Variants in TRIM2 observed in about 807,000 individuals in gnomAD.
TRIM2 encodes the protein tripartite motif-containing protein 2.
A neutral mutation model predicts 75.2 loss-of-function variants in TRIM2; 20 were observed. The ratio of observed to expected loss-of-function variants is 0.27; its 90% CI spans 0.19 to 0.39. The LOEUF is 0.39. Among genes scored for constraint, TRIM2 ranks in the 10% least tolerant of loss-of-function variants. The probability of loss-of-function intolerance (pLI) is 1.00; values close to 1 mark genes in which losing one functional copy is unlikely to be tolerated. For missense variants in TRIM2, 660 were observed against 990.8 expected (o/e 0.67, Z 4.48); for synonymous variants, 373 against 388.3 (o/e 0.96, Z 0.46).
intron 10 of TRIM2, among the ~76,000 whole-genome samples, chr4:153,325,490 C>A (rs180876300): frequency 1.3e-5 from 2 of 152,096 alleles, no homozygotes; most frequent in African/African-American, 4.8e-5. Context: ...CAAAGAAGGA[C>A]GGAAGTAGAG....
intron 1 of TRIM2, among the ~76,000 whole-genome samples, chr4:153,234,334 AGC>A (rs1744451054): frequency 6.6e-6 from 1 of 152,206 alleles, no homozygotes; most frequent in Non-Finnish European, 1.5e-5. Context: ...GGTGTTGGAT[AGC>A]GATTCTCAAA....
chr4:153,295,662 A>G lies in TRIM2; in HGVS notation c.1136A>G (p.Asp379Gly). Residue 379 changes from aspartate (D) to glycine (G), a missense_variant, in exon 6 of 12, where the codon GAC becomes GGC. By Grantham distance (94) the Asp-to-Gly change is moderately conservative (BLOSUM62 -1). Coordinates refer to ENST00000338700, the MANE Select transcript of TRIM2 (RefSeq NM_015271.5). This position sits in a 1 kb window ranked among gnomAD's most constrained non-coding sequence, Gnocchi z 7.2. Reference sequence around the variant, plus strand: ...ATGTCCGTCACCATCACCACCAAGGACAAAGACGGTGAGCTGTGCAAAACC... The same window carrying G: ...ATGTCCGTCACCATCACCACCAAGGGCAAAGACGGTGAGCTGTGCAAAACC... ...QPMSVTITTK[D>G]KDGELCKTGN... is the part of the protein sequence containing the mutation. 5.0e-6 allele frequency: 8 copies of G among 1,614,082 alleles called. No homozygotes were observed. Among genetic ancestry groups the G allele is most frequent in the Non-Finnish European group, 6.8e-6 (8 of 1,180,006 alleles).
Position 153,309,633 on chromosome 4 carries a change from CT to C in TRIM2, c.1511-5834del, listed in dbSNP as rs796269338. On this transcript the variant is annotated intron_variant, in intron 6 of 11. Transcript: ENST00000338700. ...ATCTAGATTTATTTAGCATTAACTT[CT>C]TTTTTTTTTTTTTTTTTGAGATGGA... 5.3e-3 allele frequency: 696 copies of C among 131,450 alleles called. 4 individuals carry two copies. Among genetic ancestry groups the C allele is most frequent in the African/African-American group, 8.6e-3 (305 of 35,478 alleles). 8.1% of individuals were successfully genotyped at this position (131,450 alleles called of 1,614,324 possible). A position where few individuals can be genotyped will look rare whatever the true frequency, so the allele number is the denominator to read the frequency against.
chr4:153,329,846 A>T (rs893823357), intron 11 of TRIM2, among the ~76,000 whole-genome samples: 2 of 148,508 alleles, frequency 1.3e-5, no homozygotes, highest in African/African-American at 4.9e-5. Context: ...CAAAAAATTA[A>T]AAAAAAAAAA....
chr4:153,313,761 C>T (rs559819214), intron 6 of TRIM2, among the ~76,000 whole-genome samples: 2 of 150,906 alleles, frequency 1.3e-5, no homozygotes, highest in African/African-American at 2.5e-5. Flanking sequence ...CTCAGCCTAC[C>T]GAGTAGCTGG....
intron 1 of TRIM2, among the ~76,000 whole-genome samples, chr4:153,173,464 C>A (rs568283877): frequency 7.9e-5 from 12 of 150,948 alleles, no homozygotes; most frequent in African/African-American, 2.9e-4. Context: ...GAGTTTGAGA[C>A]CAGCCTGGCA....
chr4:153,256,834 A>G (rs1752178178), intron 1 of TRIM2, among the ~76,000 whole-genome samples: 1 of 152,250 alleles, frequency 6.6e-6, no homozygotes, highest in Admixed American at 6.5e-5. Context: ...GACTTTGTGG[A>G]ACCGTACTTT....
chr4:153,275,787 G>A, intron 2 of TRIM2, 106 bp from the exon 3 acceptor site: 2 of 1,016,154 alleles, frequency 2.0e-6, no homozygotes, highest in Non-Finnish European at 3.0e-6. Flanking sequence ...ACTGGGATGG[G>A]AGTTTCTGCC....
intron 1 of TRIM2, among the ~76,000 whole-genome samples, chr4:153,206,813 G>A (rs1158548509): frequency 6.6e-6 from 1 of 152,218 alleles, no homozygotes; most frequent in African/African-American, 2.4e-5. Context: ...GGAGCCCTCA[G>A]TCGTCAATCA....
chr4:153,264,423 G>T (rs1229570852), intron 1 of TRIM2, among the ~76,000 whole-genome samples: 1 of 152,170 alleles, frequency 6.6e-6, no homozygotes, highest in East Asian at 1.9e-4. Flanking sequence ...GATCCCTTCA[G>T]AAGTTAGTTT....
At chr4:153,283,108 T>C (rs1204533973) in intron 3 of TRIM2, among the ~76,000 whole-genome samples, 2 of 152,214 alleles carry the variant, frequency 1.3e-5, no homozygotes, top group East Asian at 3.8e-4. Flanking sequence ...GCACAACTAA[T>C]GTGGTTTTTA....
At chr4:153,253,651 A>G (rs1385509451) in intron 1 of TRIM2, among the ~76,000 whole-genome samples, 6 of 152,204 alleles carry the variant, frequency 3.9e-5, no homozygotes, top group African/African-American at 1.2e-4. Context: ...GGCACAACAT[A>G]CAGACCTTGC....
intron 1 of TRIM2, among the ~76,000 whole-genome samples, chr4:153,244,570 T>G (rs1748597961): frequency 6.6e-6 from 1 of 150,890 alleles, no homozygotes; most frequent in Admixed American, 6.6e-5. Context: ...AACACATAGT[T>G]TTTTGAAGAT....
At chr4:153,210,832 A>G (rs1736781860) in intron 1 of TRIM2, among the ~76,000 whole-genome samples, 1 of 152,224 alleles carries the variant, frequency 6.6e-6, no homozygotes, top group South Asian at 2.1e-4. Flanking sequence ...AAAAGACCCC[A>G]TAAGGCAGCA....
In TRIM2 at chr4:153,244,366, CT is replaced by C. The variant is rs1748156484; in HGVS notation, c.31-25967del. On this transcript the variant is annotated intron_variant, in intron 1 of 11. Transcript: ENST00000338700. ...TCTTCTTCTTCTTCCTCTTCTTCTTCTTCTTCTTCTTCTTCTTCTTCTTCTT... is the reference window on the plus strand; with the variant it reads ...TCTTCTTCTTCTTCCTCTTCTTCTTCTCTTCTTCTTCTTCTTCTTCTTCTT... Among the ~76,000 whole-genome samples the C allele has an allele frequency of 4.6e-5, 2 of 43,418 alleles. 1 individual carries two copies. The highest frequency in any genetic ancestry group is 7.4e-5 in the Non-Finnish European group (2 of 27,032). 28.5% of individuals were successfully genotyped at this position (43,418 alleles called of 152,430 possible).
chr4:153,223,687 C>G (rs1471153534), intron 1 of TRIM2, among the ~76,000 whole-genome samples: 1 of 152,210 alleles, frequency 6.6e-6, no homozygotes, highest in Non-Finnish European at 1.5e-5. Flanking sequence ...CCAAAGCATT[C>G]TGTGAACCCC....
chr4:153,187,870 G>A (rs1390828724), intron 1 of TRIM2, among the ~76,000 whole-genome samples: 1 of 152,206 alleles, frequency 6.6e-6, no homozygotes, highest in East Asian at 1.9e-4. Context: ...ACAAATGCCA[G>A]CTTCAGACGT....
intron 1 of TRIM2, among the ~76,000 whole-genome samples, chr4:153,241,346 G>T (rs1746533917): frequency 6.6e-6 from 1 of 152,190 alleles, no homozygotes; most frequent in Admixed American, 6.5e-5. Context: ...GCACATTGTT[G>T]GAAGCCATGT....
Position 153,336,761 on chromosome 4 carries a change from G to A in TRIM2, c.*1795G>A, listed in dbSNP as rs974420216. The A allele has an allele frequency of 1.0e-6, 1 of 985,424 alleles. No individual in the cohort carries two copies. The highest frequency in any genetic ancestry group is 1.7e-5 in the African/African-American group (1 of 57,196). 61.0% of individuals were successfully genotyped at this position (985,424 alleles called of 1,614,324 possible). A position where few individuals can be genotyped will look rare whatever the true frequency, so the allele number is the denominator to read the frequency against. Reference sequence around the variant, plus strand: ...GAAATCTAGCTACTTCAAATTGTCTGTTAAATTTATTATGCCCAAATCAAC... The same window carrying A: ...GAAATCTAGCTACTTCAAATTGTCTATTAAATTTATTATGCCCAAATCAAC... On this transcript the variant is annotated 3_prime_UTR_variant, in exon 12 of 12. Transcript: ENST00000338700.
Sources: gnomAD v4.1 joint callset for allele counts (sites outside exome capture counted in the v4.1 genomes callset) on GRCh38, gnomAD v4.1.1 for gene constraint, Gnocchi (gnomAD v3.1) non-coding constraint, MANE v1.5 for transcripts, NCBI Gene and HGNC (gene_info 2026-07-23, HGNC 2026-07-21) for gene names.